RREB1: variants seen among roughly 807,000 people sequenced by gnomAD.
RREB1 encodes ras-responsive element-binding protein 1.
RREB1 carries 27 observed loss-of-function variants against 117.8 expected under a neutral mutation model. The observed-to-expected ratio is 0.23, with a 90% CI of 0.17 to 0.32. The LOEUF (loss-of-function observed/expected upper bound fraction) is 0.32. Ranked by LOEUF, RREB1 falls within the 10% of genes least tolerant of loss-of-function variation. The pLI, the probability that RREB1 is intolerant of heterozygous loss-of-function variation, is 1.00. For synonymous variants in RREB1, 1,298 were observed against 1,026.7 expected, an observed-to-expected ratio of 1.26 and a Z score of -5.05; for missense variants, 2,577 against 2,378.2, an observed-to-expected ratio of 1.08 and a Z score of -1.74.
intron 11 of RREB1, among the ~76,000 whole-genome samples, chr6:7,243,907 A>G (rs1226522480): frequency 1.3e-5 from 2 of 151,842 alleles, no homozygotes; most frequent in Non-Finnish European, 2.9e-5. Flanking sequence ...AAAAAAAAAT[A>G]GAAGTGTAGT....
intron 4 of RREB1, among the ~76,000 whole-genome samples, chr6:7,185,457 C>G (rs1765036761): frequency 6.6e-6 from 1 of 152,046 alleles, no homozygotes; most frequent in Non-Finnish European, 1.5e-5. Flanking sequence ...GTAGTCCCAC[C>G]TACTTGGGAG....
At chr6:7,206,631 T>TA (rs11382890) in intron 6 of RREB1, among the ~76,000 whole-genome samples, 84,610 of 151,978 alleles carry the variant, frequency 0.56, 24,461 homozygotes, top group East Asian at 0.8. Flanking sequence ...ACGAGTAAAA[T>TA]ACATGATATC....
At chr6:7,184,854 T>C (rs1764998101) in intron 4 of RREB1, 1 of 152,054 alleles carries the variant, frequency 6.6e-6, no homozygotes, top group African/African-American at 2.4e-5. Context: ...CCTATTGATG[T>C]ATCACCATCC....
intron 8 of RREB1, among the ~76,000 whole-genome samples, chr6:7,220,973 A>G (rs1581558290): frequency 6.6e-6 from 1 of 152,016 alleles, no homozygotes; most frequent in African/African-American, 2.4e-5. Flanking sequence ...AGTGGCCTCT[A>G]TTGTCCTTGA....
intron 6 of RREB1, among the ~76,000 whole-genome samples, chr6:7,200,244 A>ATGTGTGTGTGTGTGTGTGTGTGTG (rs70978945): frequency 7.7e-6 from 1 of 129,358 alleles, no homozygotes. Flanking sequence ...ATGTGTGTAT[A>ATGTGTGTGTGTGTGTGTGTGTGTG]TGTGTGTGTG....
intron 1 of RREB1, among the ~76,000 whole-genome samples, chr6:7,120,101 C>A (rs1434265448): frequency 1.4e-5 from 2 of 147,384 alleles, no homozygotes; most frequent in African/African-American, 4.9e-5. Context: ...ACCCCCACCC[C>A]CCGCCCGCCT....
intron 8 of RREB1, among the ~76,000 whole-genome samples, chr6:7,222,344 C>T (rs1033944035): frequency 2.0e-5 from 3 of 152,214 alleles, no homozygotes; most frequent in African/African-American, 4.8e-5. Flanking sequence ...TATCTCTTGG[C>T]ATGTTTGGGA....
At chr6:7,245,464 G>A (rs1043672797) in intron 11 of RREB1, among the ~76,000 whole-genome samples, 8 of 152,184 alleles carry the variant, frequency 5.3e-5, no homozygotes, top group Non-Finnish European at 1.0e-4. Flanking sequence ...AGCTTCCAAT[G>A]TACTGTCGTA....
rs767888983 is a variant in RREB1, at chr6:7,189,320, C to T, written c.423C>T (p.His141=). ...GQSFTTNGNM[H]RHMKIHEKDP... is the part of the protein sequence containing the mutation. ...CATTTACCACCAATGGGAACATGCA[C>T]AGGTGGGTGAGGGCGCCCTTTGCTT... Residue 141 remains histidine, a splice_region_variant and synonymous_variant, in exon 6 of 13, where the codon CAC becomes CAT. Coordinates refer to ENST00000379938, the MANE Select transcript of RREB1 (RefSeq NM_001003699.4). 1.1e-5 allele frequency: 17 copies of T among 1,580,790 alleles called. No homozygotes were observed. The highest frequency in any genetic ancestry group is 1.4e-5 in the Non-Finnish European group (16 of 1,161,546).
chr6:7,118,186 T>TCTCA (rs1761498238), intron 1 of RREB1, among the ~76,000 whole-genome samples: 1 of 152,258 alleles, frequency 6.6e-6, no homozygotes, highest in South Asian at 2.1e-4. Flanking sequence ...AGGGGTGGAA[T>TCTCA]CTCAGCTCAC....
chr6:7,164,953 G>GCTA, intron 1 of RREB1, among the ~76,000 whole-genome samples: 1 of 152,356 alleles, frequency 6.6e-6, no homozygotes, highest in Admixed American at 6.5e-5. Context: ...TTTAACTTGA[G>GCTA]CTACTGTAAC....
intron 6 of RREB1, among the ~76,000 whole-genome samples, chr6:7,194,951 T>G (rs1765594922): frequency 6.6e-6 from 1 of 152,218 alleles, no homozygotes. Flanking sequence ...AAAGGTAGTA[T>G]TATCCGTACC....
intron 1 of RREB1, among the ~76,000 whole-genome samples, chr6:7,161,862 T>C (rs1031005058): frequency 6.6e-6 from 1 of 152,212 alleles, no homozygotes; most frequent in African/African-American, 2.4e-5. Context: ...CAGTGCCTCC[T>C]AACTGGGTTA....
chr6:7,182,307 C>A (rs1437314962), intron 4 of RREB1, among the ~76,000 whole-genome samples: 1 of 151,916 alleles, frequency 6.6e-6, no homozygotes, highest in Non-Finnish European at 1.5e-5. Flanking sequence ...TGGAAGTGCC[C>A]TTATTTTTGG....
chr6:7,220,056 T>C (rs1767150434), intron 8 of RREB1, among the ~76,000 whole-genome samples: 1 of 152,088 alleles, frequency 6.6e-6, no homozygotes, highest in Admixed American at 6.5e-5. Context: ...TGAGAACTGC[T>C]AGAGCCCCTC....
At position 7,231,478 on chromosome 6, in the gene RREB1, A is replaced by G; in HGVS notation, c.3379A>G (p.Ser1127Gly). 1.2e-6 allele frequency: 2 copies of G among 1,612,578 alleles called. No homozygotes were observed. The highest frequency in any genetic ancestry group is 1.1e-5 in the South Asian group (1 of 91,014). The change falls in exon 10 of 13, where the codon AGT becomes GGT. Residue 1127 changes from serine (S) to glycine (G), a missense_variant. Physicochemically the swap from Ser to Gly is moderately conservative, Grantham distance 56 (BLOSUM62 0). Transcript: ENST00000379938. ...PAATTSPKESSEPPAPASSPE... is the reference protein window; with the variant it reads ...PAATTSPKESGEPPAPASSPE... ...TGCCACCACCAGCCCAAAAGAGTCT[A>G]GTGAGCCTCCCGCTCCAGCCAGCAG...
At chr6:7,235,824 G>A (rs557264747) in intron 10 of RREB1, among the ~76,000 whole-genome samples, 1 of 152,226 alleles carries the variant, frequency 6.6e-6, no homozygotes, top group South Asian at 2.1e-4. Flanking sequence ...AGCAGATCCG[G>A]TGTTCAGTGT....
intron 10 of RREB1, among the ~76,000 whole-genome samples, chr6:7,232,591 G>A (rs1768066999): frequency 1.3e-5 from 2 of 152,064 alleles, no homozygotes; most frequent in African/African-American, 4.8e-5. Context: ...TCCAGGTGAA[G>A]CAGGAAAACA....
intron 9 of RREB1, 59 bp downstream of exon 9, chr6:7,226,715 G>A (rs1767607198): frequency 6.7e-6 from 9 of 1,333,548 alleles, no homozygotes; most frequent in Non-Finnish European, 9.4e-6. Flanking sequence ...CACACAGTTA[G>A]ACCATGGGAA....
Sources: gnomAD v4.1 joint callset for allele counts (sites outside exome capture counted in the v4.1 genomes callset) on GRCh38, gnomAD v4.1.1 for gene constraint, MANE v1.5 for transcripts, NCBI Gene and HGNC (gene_info 2026-07-23, HGNC 2026-07-21) for gene names.